CES1: variants seen among roughly 807,000 people sequenced by gnomAD.
The protein encoded by CES1 is liver carboxylesterase 1.
CES1 carries 50 observed loss-of-function variants against 53.0 expected under a neutral mutation model. The observed-to-expected ratio is 0.94, with a 90% CI of 0.75 to 1.19. CES1 has a LOEUF of 1.19. CES1 is among the 50% of genes most tolerant of loss of function. The pLI is 0.00. For synonymous variants in CES1, 202 were observed against 210.1 expected, an observed-to-expected ratio of 0.96 and a Z score of 0.33; for missense variants, 534 against 538.0, an observed-to-expected ratio of 0.99 and a Z score of 0.07.
intron 4 of CES1, among the ~76,000 whole-genome samples, chr16:55,821,727 A>G (rs1432681642): frequency 2.0e-5 from 3 of 152,228 alleles, no homozygotes; most frequent in Admixed American, 6.5e-5. Flanking sequence ...CTGAGCATCT[A>G]CTGTATGCCT....
Position 55,824,452 on chromosome 16 carries a change from C to T in CES1, c.406-769G>A, listed in dbSNP as rs1396608415. Reference sequence around the variant, plus strand: ...TCATGAAATATAAAAGAACTCGTAACATAAACTATGTCCCAAGTGCTGTTC... The same window carrying T: ...TCATGAAATATAAAAGAACTCGTAATATAAACTATGTCCCAAGTGCTGTTC... On this transcript the variant is annotated intron_variant, in intron 3 of 13. Coordinates refer to ENST00000360526, the MANE Select transcript of CES1 (RefSeq NM_001025195.2). Among the ~76,000 whole-genome samples, 5 of 152,280 alleles carry T rather than the reference C, an allele frequency of 3.3e-5. No homozygotes were observed. The East Asian group carries it at 7.7e-4, about 23-fold the overall frequency.
chr16:55,830,773 A>AGAAGGAAGGAAGGAAAGAAG (rs2032612181), intron 1 of CES1, among the ~76,000 whole-genome samples: 1 of 76,982 alleles, frequency 1.3e-5, no homozygotes, highest in Non-Finnish European at 2.8e-5. Context: ...AAGGAAGGAA[A>AGAAGGAAGGAAGGAAAGAAG]GAAGGAAGGA....
chr16:55,824,974 G>A (rs1255075942), intron 3 of CES1, among the ~76,000 whole-genome samples: 1 of 152,184 alleles, frequency 6.6e-6, no homozygotes, highest in Non-Finnish European at 1.5e-5. Context: ...CTCCTGGGGA[G>A]GGATTGAGTG....
At chr16:55,826,568 C>G (rs1448168937) in intron 2 of CES1, among the ~76,000 whole-genome samples, 1 of 152,200 alleles carries the variant, frequency 6.6e-6, no homozygotes, top group Non-Finnish European at 1.5e-5. Flanking sequence ...GGGGAGACCA[C>G]TAATACACTG....
chr16:55,829,840 C>T (rs59784386), intron 1 of CES1, among the ~76,000 whole-genome samples: 4,528 of 152,250 alleles, frequency 0.03, 125 homozygotes, highest in African/African-American at 0.061. Flanking sequence ...TCTTGCAGCA[C>T]GGACAATGTT....
chr16:55,817,527 GGT>G (rs2031993824), intron 7 of CES1, among the ~76,000 whole-genome samples: 1 of 152,168 alleles, frequency 6.6e-6, no homozygotes, highest in South Asian at 2.1e-4. Context: ...GCTTCTCTTT[GGT>G]GTGTGTTCAC....
intron 7 of CES1, among the ~76,000 whole-genome samples, chr16:55,818,179 C>T (rs1329824407): frequency 5.3e-5 from 8 of 152,214 alleles, no homozygotes; most frequent in African/African-American, 1.9e-4. Flanking sequence ...ACTCTTCCCC[C>T]TCAAAGGGAA....
chr16:55,808,593 C>T (rs2142309440), intron 11 of CES1, among the ~76,000 whole-genome samples: 1 of 152,286 alleles, frequency 6.6e-6, no homozygotes, highest in Non-Finnish European at 1.5e-5. Context: ...AAAACATTTG[C>T]ATTGTCCAAC....
chr16:55,831,779 G>A (rs1208022902), intron 1 of CES1, among the ~76,000 whole-genome samples: 278 of 150,734 alleles, frequency 1.8e-3, no homozygotes, highest in Non-Finnish European at 2.1e-3. Context: ...TGCAGACGGG[G>A]CTGGGCTGTC....
In CES1 at chr16:55,810,957, C is replaced by T. The variant is rs773651769; in HGVS notation, c.1140G>A (p.Met380Ile). 1.9e-6 allele frequency: 3 copies of T among 1,613,544 alleles called. No individual in the cohort carries two copies. Among genetic ancestry groups the T allele is most frequent in the Non-Finnish European group, 2.5e-6 (3 of 1,179,948 alleles). The change falls in exon 10 of 14, where the codon ATG (methionine) becomes ATA (isoleucine). Residue 380 changes from methionine (M) to isoleucine (I), a missense_variant. Physicochemically the swap from Met to Ile is conservative, Grantham distance 10. Transcript: ENST00000360526. Reference protein sequence around the residue: ...SEGQLDQKTAMSLLWKSYPLV... With the variant: ...SEGQLDQKTAISLLWKSYPLV... ...GGGGATAGGACTTCCACAGGAGTGA[C>T]ATGGCTGTCTTCTGGTCCAGTTGCC...
intron 3 of CES1, among the ~76,000 whole-genome samples, chr16:55,823,996 C>T (rs1485111257): frequency 2.0e-5 from 3 of 152,260 alleles, no homozygotes; most frequent in Non-Finnish European, 2.9e-5. Context: ...AGGATGTCCT[C>T]TTCGGGAGGA....
At chr16:55,825,778 A>C (rs1482109724) in intron 3 of CES1, among the ~76,000 whole-genome samples, 6 of 152,194 alleles carry the variant, frequency 3.9e-5, no homozygotes, top group Admixed American at 3.9e-4. Context: ...GAAAAGGAAG[A>C]GTTGGGGTGT....
In CES1 at chr16:55,818,063, T is replaced by C. The variant is rs140109306; in HGVS notation, c.907-1101A>G. Among the ~76,000 whole-genome samples, 127 of 152,300 alleles carry C rather than the reference T, an allele frequency of 8.3e-4. 1 individual carries two copies. The highest frequency in any genetic ancestry group is 2.5e-3 in the African/African-American group (105 of 41,552). On this transcript the variant is annotated intron_variant, in intron 7 of 13. Transcript: ENST00000360526. ...GCACCAATACCACATTGGACTCAAC[T>C]CATGGAAACACAAGCAGAGTCCAGT... is the stretch of plus-strand genomic sequence containing the variant.
At chr16:55,821,005 G>A (rs1191204410) in intron 5 of CES1, among the ~76,000 whole-genome samples, 8 of 152,060 alleles carry the variant, frequency 5.3e-5, no homozygotes, top group Non-Finnish European at 1.2e-4. Context: ...CATAATTTAT[G>A]CCTATTCCTA....
At chr16:55,818,724 C>T (rs1458407326) in intron 7 of CES1, among the ~76,000 whole-genome samples, 1 of 151,906 alleles carries the variant, frequency 6.6e-6, no homozygotes, top group African/African-American at 2.4e-5. Flanking sequence ...CTAACACCCA[C>T]CCCTACATAT....
chr16:55,815,056 C>A (rs533372866), intron 8 of CES1, among the ~76,000 whole-genome samples: 93 of 152,182 alleles, frequency 6.1e-4, no homozygotes, highest in Middle Eastern at 6.8e-3. Context: ...AATGGTATTG[C>A]CAGGTGAGGA....
chr16:55,811,190 C>G (rs1375628749), intron 9 of CES1, among the ~76,000 whole-genome samples, 180 bp from the exon 10 acceptor site: 1 of 146,278 alleles, frequency 6.8e-6, no homozygotes, highest in Admixed American at 7.0e-5. Context: ...TATCCAGAAA[C>G]TCAAGCATTG....
At position 55,812,833 on chromosome 16, in the gene CES1, T is replaced by C. The variant is rs76659025; in HGVS notation, c.1086+70A>G. On this transcript the variant is annotated intron_variant, in intron 9 of 13. Transcript: ENST00000360526. ...AGAGTGCAGCTCGGAGAGGGAAGCA[T>C]TCCTGGGACCAGAGACAGGAGGGCT... 3,352 of 1,602,992 alleles carry C rather than the reference T, an allele frequency of 2.1e-3. 62 individuals carry two copies. The African/African-American group carries it at 0.04, about 19-fold the overall frequency.
chr16:55,814,872 T>C lies in CES1; in HGVS notation c.946-1829A>G, dbSNP rs2031866025. Among the ~76,000 whole-genome samples, 8 of 152,356 alleles carry C rather than the reference T, an allele frequency of 5.3e-5. No individual in the cohort carries two copies. The South Asian group carries it at 1.4e-3, about 28-fold the overall frequency. ...GACAAGATCAGATCCTAATCCAATA[T>C]GGCTGACAATGAAGAACAGGATTGG... On this transcript the variant is annotated intron_variant, in intron 8 of 13. Transcript: ENST00000360526.
Sources: allele counts gnomAD v4.1 joint callset (sites outside exome capture counted in the v4.1 genomes callset), GRCh38; gene constraint gnomAD v4.1.1; transcripts MANE v1.5; gene names NCBI Gene and HGNC (gene_info 2026-07-23, HGNC 2026-07-21).